KDM4C: variants seen among roughly 807,000 people sequenced by gnomAD.
KDM4C encodes the protein lysine demethylase 4C, also known as lysine-specific demethylase 4C.
KDM4C carries 81 observed loss-of-function variants against 129.3 expected under a neutral mutation model. The ratio of observed to expected loss-of-function variants is 0.63; its 90% CI spans 0.52 to 0.75. KDM4C has a LOEUF of 0.75. KDM4C is among the 30% of genes least tolerant of loss of function. The probability of loss-of-function intolerance (pLI) is 0.00; values close to 1 mark genes in which losing one functional copy is unlikely to be tolerated. For missense variants in KDM4C, 1,457 were observed against 1,304.0 expected (o/e 1.12, Z -1.81); for synonymous variants, 573 against 456.1 (o/e 1.26, Z -3.26).
rs768908170 is a variant in KDM4C, at chr9:6,990,420, C to T, written c.1682C>T (p.Ala561Val). ...ERNSFKVPSI[A>V]EGENKTSKSW... ...CCATTTTTGTTCTATAACTAGATAG[C>T]AGAGGGAGAGAACAAAACCTCTAAG... The change falls in exon 12 of 22, where the codon GCA becomes GTA. Residue 561 changes from alanine (A) to valine (V), a missense_variant. Transcript: ENST00000381309. The T allele has an allele frequency of 1.9e-6, 3 of 1,604,920 alleles. No homozygotes were observed. The highest frequency in any genetic ancestry group is 2.2e-5 in the East Asian group (1 of 44,798).
intron 8 of KDM4C, 120 bp from the exon 9 acceptor site, chr9:6,980,805 A>T (rs371598694): frequency 7.0e-5 from 54 of 771,018 alleles, no homozygotes; most frequent in East Asian, 4.5e-4. Context: ...TGATAATGTA[A>T]TGCATTATCC....
intron 8 of KDM4C, among the ~76,000 whole-genome samples, chr9:6,966,879 G>A (rs1338173296): frequency 6.6e-6 from 1 of 152,014 alleles, no homozygotes; most frequent in Non-Finnish European, 1.5e-5. Context: ...TATAACTTGA[G>A]GATAGGCAAA....
chr9:6,967,128 T>C (rs931931611), intron 8 of KDM4C, among the ~76,000 whole-genome samples: 1 of 150,216 alleles, frequency 6.7e-6, no homozygotes, highest in African/African-American at 2.4e-5. Context: ...GGGCCAAAAA[T>C]TATACAGACT....
chr9:7,115,313 C>T (rs1838774996), intron 18 of KDM4C, among the ~76,000 whole-genome samples: 1 of 151,996 alleles, frequency 6.6e-6, no homozygotes, highest in Non-Finnish European at 1.5e-5. Flanking sequence ...TTAAGCTTTT[C>T]AACAATTTGT....
At chr9:7,109,299 A>G (rs1838049038) in intron 18 of KDM4C, among the ~76,000 whole-genome samples, 1 of 152,238 alleles carries the variant, frequency 6.6e-6, no homozygotes, top group Non-Finnish European at 1.5e-5. Context: ...AAGATGCCCT[A>G]GTTCTTAAAC....
intron 15 of KDM4C, among the ~76,000 whole-genome samples, chr9:7,046,253 G>C (rs1431606379): frequency 6.6e-6 from 1 of 151,988 alleles, no homozygotes; most frequent in Non-Finnish European, 1.5e-5. Flanking sequence ...ATGTGGGAAG[G>C]ATAAAGCAAA....
At chr9:6,809,077 T>G (rs1830678439) in intron 3 of KDM4C, among the ~76,000 whole-genome samples, 1 of 152,214 alleles carries the variant, frequency 6.6e-6, no homozygotes, top group Non-Finnish European at 1.5e-5. Flanking sequence ...TGTAAGCACA[T>G]GATGCTACTT....
At chr9:6,924,680 G>T in intron 8 of KDM4C, 1 of 733,764 alleles carries the variant, frequency 1.4e-6, no homozygotes, top group Non-Finnish European at 1.7e-6. Flanking sequence ...CTTGTGTTCT[G>T]CTGGGGTACC....
intron 8 of KDM4C, among the ~76,000 whole-genome samples, chr9:6,901,053 C>G (rs1193539347): frequency 6.6e-6 from 1 of 151,626 alleles, no homozygotes; most frequent in South Asian, 2.1e-4. Flanking sequence ...AAAATTTTTA[C>G]TAAAGGCTCT....
intron 2 of KDM4C, among the ~76,000 whole-genome samples, chr9:6,800,603 T>G (rs1159613445): frequency 8.7e-6 from 1 of 115,374 alleles, no homozygotes; most frequent in Non-Finnish European, 1.9e-5. Context: ...TATATCTATC[T>G]ATTTTATTTT....
At chr9:6,765,444 C>G (rs1368413766) in intron 1 of KDM4C, among the ~76,000 whole-genome samples, 17 of 152,060 alleles carry the variant, frequency 1.1e-4, no homozygotes, top group Admixed American at 1.0e-3. Flanking sequence ...GTCTTAATTC[C>G]CTGTATTTTT....
intron 15 of KDM4C, among the ~76,000 whole-genome samples, chr9:7,030,439 T>A (rs572107626): frequency 6.6e-6 from 1 of 152,232 alleles, no homozygotes; most frequent in East Asian, 1.9e-4. Flanking sequence ...ACACCAAGAG[T>A]GAATCCTAAA....
intron 8 of KDM4C, among the ~76,000 whole-genome samples, chr9:6,934,594 G>C (rs1326344270): frequency 6.6e-6 from 1 of 151,476 alleles, no homozygotes; most frequent in Non-Finnish European, 1.5e-5. Context: ...CTCCTGAGTA[G>C]CTAGGACTAC....
rs562357838 is a variant in KDM4C at position 6,761,803 on chromosome 9, C to T, written c.-18+3600C>T. On this transcript the variant is annotated intron_variant, in intron 1 of 21. Coordinates refer to ENST00000381309, the MANE Select transcript of KDM4C (RefSeq NM_015061.6). ...TAGTATTTAATGCTTCTCTCCCAAC[C>T]TCTGTCTCTTTTTTCTTTTTCTTTT... Among the ~76,000 whole-genome samples the T allele has an allele frequency of 1.2e-4, 19 of 152,092 alleles. No individual in the cohort carries two copies. In the South Asian group the frequency reaches 2.7e-3, roughly 22 times the overall value.
At chr9:7,117,677 A>C (rs1323356878) in intron 18 of KDM4C, among the ~76,000 whole-genome samples, 1 of 148,938 alleles carries the variant, frequency 6.7e-6, no homozygotes, top group East Asian at 2.0e-4. Flanking sequence ...ACTGCTGTTA[A>C]TGATTGAGAT....
At chr9:6,852,397 T>C (rs1839012370) in intron 5 of KDM4C, among the ~76,000 whole-genome samples, 1 of 152,152 alleles carries the variant, frequency 6.6e-6, no homozygotes, top group South Asian at 2.1e-4. Flanking sequence ...TGGACTCCAG[T>C]TCCTTCACTC....
Position 6,806,285 on chromosome 9 carries a change from G to C in KDM4C, c.320+511G>C, listed in dbSNP as rs570448238. Among the ~76,000 whole-genome samples, 22 of 152,084 alleles carry C rather than the reference G, an allele frequency of 1.4e-4. No homozygotes were observed. In the South Asian group the frequency reaches 4.4e-3, roughly 30 times the overall value. On this transcript the variant is annotated intron_variant, in intron 3 of 21. Transcript: ENST00000381309. Reference sequence around the variant, plus strand: ...CAACGTGGGCGGATCACCTGAGGTCGGGAGTTCAAGACCAGTCTGATCAAC... The same window carrying C: ...CAACGTGGGCGGATCACCTGAGGTCCGGAGTTCAAGACCAGTCTGATCAAC...
chr9:6,871,716 A>C (rs1196712264), intron 5 of KDM4C, among the ~76,000 whole-genome samples: 1 of 152,254 alleles, frequency 6.6e-6, no homozygotes, highest in African/African-American at 2.4e-5. Flanking sequence ...AATTAGCTAC[A>C]TAACTGAGCA....
chr9:7,082,165 G>T (rs189081198), intron 17 of KDM4C, among the ~76,000 whole-genome samples: 2 of 126,258 alleles, frequency 1.6e-5, no homozygotes, highest in Admixed American at 1.5e-4. Flanking sequence ...CTCACATGGG[G>T]CCTGAGTTTA....
Sources: allele counts gnomAD v4.1 joint callset (sites outside exome capture counted in the v4.1 genomes callset), GRCh38; gene constraint gnomAD v4.1.1; transcripts MANE v1.5; gene names NCBI Gene and HGNC (gene_info 2026-07-23, HGNC 2026-07-21).